The following SLIT3 variants were observed in gnomAD, a reference collection of about 807,000 sequenced individuals.
The protein encoded by SLIT3 is slit homolog 3 protein.
Under a neutral mutation model 184.0 loss-of-function variants are expected in SLIT3, and 68 were observed. That is an observed-to-expected ratio of 0.37 (90% CI 0.30 to 0.45). The LOEUF (loss-of-function observed/expected upper bound fraction) is 0.45. Among genes scored for constraint, SLIT3 ranks in the 20% least tolerant of loss-of-function variants. The pLI, the probability that SLIT3 is intolerant of heterozygous loss-of-function variation, is 1.00. For synonymous variants in SLIT3, 831 were observed against 828.6 expected, an observed-to-expected ratio of 1.00 and a Z score of -0.05; for missense variants, 1,707 against 2,026.0, an observed-to-expected ratio of 0.84 and a Z score of 3.02.
chr5:168,714,876 A>C (rs1580995154), intron 23 of SLIT3, among the ~76,000 whole-genome samples: 6 of 152,130 alleles, frequency 3.9e-5, no homozygotes, highest in African/African-American at 1.4e-4. Flanking sequence ...CCTAACTCTT[A>C]GGGGATGTTA....
intron 4 of SLIT3, among the ~76,000 whole-genome samples, chr5:168,929,491 T>G (rs1406523074): frequency 1.3e-5 from 2 of 152,178 alleles, no homozygotes; most frequent in African/African-American, 4.8e-5. Flanking sequence ...TGTTCATAAT[T>G]ACACAGAGGT....
At chr5:168,823,150 G>T in intron 7 of SLIT3, 110 bp downstream of exon 7, 1 of 892,984 alleles carries the variant, frequency 1.1e-6, no homozygotes, top group Non-Finnish European at 1.9e-6. Context: ...TTGAATGTCG[G>T]AACCATCTGC....
At chr5:168,922,306 A>G (rs1368308391) in intron 4 of SLIT3, among the ~76,000 whole-genome samples, 1 of 151,578 alleles carries the variant, frequency 6.6e-6, no homozygotes, top group Admixed American at 6.6e-5. Context: ...AAATACAAAA[A>G]ATTAGCCGGG....
chr5:169,280,903 G>C (rs1441498399), intron 1 of SLIT3, among the ~76,000 whole-genome samples: 1 of 152,108 alleles, frequency 6.6e-6, no homozygotes, highest in Non-Finnish European at 1.5e-5. Context: ...TTTAAGAAAC[G>C]AACCACAAAT....
At chr5:168,898,087 G>C (rs80257555) in intron 4 of SLIT3, among the ~76,000 whole-genome samples, 9,968 of 152,278 alleles carry the variant, frequency 0.065, 420 homozygotes, top group Middle Eastern at 0.11. Context: ...GTTTTTAAAA[G>C]CTCCATAAAA....
At chr5:169,102,185 A>C (rs533377255) in intron 4 of SLIT3, among the ~76,000 whole-genome samples, 1 of 152,298 alleles carries the variant, frequency 6.6e-6, no homozygotes, top group Non-Finnish European at 1.5e-5. Flanking sequence ...CTAAAAGGAA[A>C]CATGTGTGTT....
chr5:169,025,206 T>A (rs998041950), intron 4 of SLIT3, among the ~76,000 whole-genome samples: 2 of 152,110 alleles, frequency 1.3e-5, no homozygotes, highest in Non-Finnish European at 2.9e-5. Context: ...TACATAAATA[T>A]ATCTTGAATC....
chr5:168,732,498 A>C (rs1763316261), intron 20 of SLIT3, among the ~76,000 whole-genome samples: 1 of 152,160 alleles, frequency 6.6e-6, no homozygotes, highest in Non-Finnish European at 1.5e-5. Flanking sequence ...TAATTCAAAG[A>C]GCCCAAATAG....
At chr5:169,069,118 T>A (rs1758453670) in intron 4 of SLIT3, among the ~76,000 whole-genome samples, 1 of 152,170 alleles carries the variant, frequency 6.6e-6, no homozygotes, top group Non-Finnish European at 1.5e-5. Flanking sequence ...AGTTAATCCT[T>A]GCAACAATCC....
intron 14 of SLIT3, among the ~76,000 whole-genome samples, chr5:168,766,530 G>A (rs1044296309): frequency 6.6e-6 from 1 of 152,224 alleles, no homozygotes; most frequent in African/African-American, 2.4e-5. Flanking sequence ...GTCCTAGTAA[G>A]CTATCCCCTT....
intron 4 of SLIT3, among the ~76,000 whole-genome samples, chr5:168,951,430 G>C (rs1045567244): frequency 2.0e-5 from 3 of 152,134 alleles, no homozygotes; most frequent in Non-Finnish European, 2.9e-5. Flanking sequence ...GCCACTGGGT[G>C]GGGGAGGTGG....
At chr5:168,831,671 G>A (rs1007722256) in intron 6 of SLIT3, among the ~76,000 whole-genome samples, 5 of 152,084 alleles carry the variant, frequency 3.3e-5, no homozygotes, top group South Asian at 2.1e-4. Context: ...CCGGGTGAGC[G>A]TTATTTTTAA....
chr5:168,794,517 C>A (rs1756498337), intron 10 of SLIT3, among the ~76,000 whole-genome samples: 2 of 152,158 alleles, frequency 1.3e-5, no homozygotes, highest in African/African-American at 4.8e-5. Context: ...ATGGTGCCGT[C>A]CAGGCTGCTG....
In SLIT3 at chr5:169,136,197, G is replaced by A. The variant is rs140732579; in HGVS notation, c.413+57282C>T. Among the ~76,000 whole-genome samples, 11 of 152,284 alleles carry A rather than the reference G, an allele frequency of 7.2e-5. No homozygotes were observed. The South Asian group carries it at 1.7e-3, about 23-fold the overall frequency. On this transcript the variant is annotated intron_variant, in intron 4 of 35. Coordinates refer to ENST00000519560, the MANE Select transcript of SLIT3 (RefSeq NM_003062.4). ...CTCTCCAGATCAGGCCTCAGAAATC[G>A]TGGGTAGTTTCCGTCAACATGGGAA...
intron 20 of SLIT3, among the ~76,000 whole-genome samples, chr5:168,746,394 GGT>G (rs1354739880): frequency 3.2e-5 from 3 of 92,824 alleles, no homozygotes; most frequent in Non-Finnish European, 6.5e-5. Flanking sequence ...GTGGGTGTGT[GGT>G]GTCTGGTGGT....
Position 169,010,363 on chromosome 5 carries a change from C to T in SLIT3, c.414-127027G>A, listed in dbSNP as rs183727608. 2.7e-3 allele frequency among the ~76,000 whole-genome samples: 404 copies of T among 152,256 alleles called. 3 individuals are homozygous for T. The highest frequency in any genetic ancestry group is 9.3e-3 in the African/African-American group (388 of 41,558). On this transcript the variant is annotated intron_variant, in intron 4 of 35. Coordinates refer to ENST00000519560, the MANE Select transcript of SLIT3 (RefSeq NM_003062.4). ...CAAGTCCCTAGAACTATGGCCCAGA[C>T]TGAGGGTGGAACTGAAGCGATTTTG...
At chr5:168,835,810 C>CA (rs11427871) in intron 6 of SLIT3, among the ~76,000 whole-genome samples, 60,463 of 138,254 alleles carry the variant, frequency 0.44, 14,561 homozygotes, top group African/African-American at 0.69. Flanking sequence ...GACTCCATCT[C>CA]AAAAAAAAAA....
At chr5:168,972,903 C>A (rs921173191) in intron 4 of SLIT3, among the ~76,000 whole-genome samples, 2 of 152,162 alleles carry the variant, frequency 1.3e-5, no homozygotes, top group Non-Finnish European at 2.9e-5. Flanking sequence ...CCCCCCAGGC[C>A]GTGCCACAGA....
chr5:169,033,935 C>G (rs1237508581), intron 4 of SLIT3, among the ~76,000 whole-genome samples: 1 of 151,668 alleles, frequency 6.6e-6, no homozygotes, highest in Non-Finnish European at 1.5e-5. Context: ...GCCTCAGCCT[C>G]CCGAGTAGCT....
Sources: allele counts gnomAD v4.1 joint callset (sites outside exome capture counted in the v4.1 genomes callset), GRCh38; gene constraint gnomAD v4.1.1; transcripts MANE v1.5; gene names NCBI Gene and HGNC (gene_info 2026-07-23, HGNC 2026-07-21).